Variants in SLC35G2 observed in about 807,000 individuals in gnomAD.
SLC35G2 encodes transmembrane protein 22.
A neutral mutation model predicts 27.2 loss-of-function variants in SLC35G2; 20 were observed. The ratio of observed to expected loss-of-function variants is 0.74; its 90% CI spans 0.52 to 1.07. The LOEUF (loss-of-function observed/expected upper bound fraction) is 1.07, where lower values mean the gene tolerates loss of function less well. Among genes scored for constraint, SLC35G2 ranks in the 50% least tolerant of loss-of-function variants. SLC35G2 has a pLI of 0.00. For missense variants in SLC35G2, 416 were observed against 493.3 expected, an observed-to-expected ratio of 0.84 and a Z score of 1.48; for synonymous variants, 148 against 165.3, an observed-to-expected ratio of 0.90 and a Z score of 0.80.
At position 136,819,237 on chromosome 3, in the gene SLC35G2, T is replaced by C. The variant is rs755803956; in HGVS notation, c.-410T>C. On this transcript the variant is annotated 5_prime_UTR_variant, in exon 1 of 2. Transcript: ENST00000446465. Reference sequence around the variant, plus strand: ...CAGGTAACCGGGCCCCGGGAGCCGGTCGGCGGCGGCGGACTGGGACCTTGA... The same window carrying C: ...CAGGTAACCGGGCCCCGGGAGCCGGCCGGCGGCGGCGGACTGGGACCTTGA... The C allele has an allele frequency of 6.6e-6, 1 of 152,172 alleles. No homozygotes were observed. The highest frequency in any genetic ancestry group is 1.5e-5 in the Non-Finnish European group (1 of 68,036). The allele number at this position is 152,172 out of a possible 1,614,324, so 9.4% of individuals were successfully genotyped here.
Position 136,854,819 on chromosome 3 carries a change from T to C in SLC35G2, c.359T>C (p.Leu120Pro), listed in dbSNP as rs1472421528. 1 of 1,614,218 alleles carries C rather than the reference T, an allele frequency of 6.2e-7. No individual in the cohort carries two copies. Among genetic ancestry groups the C allele is most frequent in the Non-Finnish European group, 8.5e-7 (1 of 1,180,034 alleles). Residue 120 changes from leucine (L) to proline (P), a missense_variant, in exon 2 of 2, where the codon CTT (leucine) becomes CCT (proline). Physicochemically the swap from Leu to Pro is moderately conservative, Grantham distance 98. Coordinates refer to ENST00000446465, the MANE Select transcript of SLC35G2 (RefSeq NM_025246.3). ...GSALAHGCVALITRLVSDRSK... is the reference protein window; with the variant it reads ...GSALAHGCVAPITRLVSDRSK... ...GCTTTGGCTCATGGATGTGTAGCTCTTATCACTAGGCTTGTTTCTGATCGG... is the reference window on the plus strand; with the variant it reads ...GCTTTGGCTCATGGATGTGTAGCTCCTATCACTAGGCTTGTTTCTGATCGG...
At chr3:136,832,170 G>T (rs12497379) in intron 1 of SLC35G2, among the ~76,000 whole-genome samples, 3 of 151,858 alleles carry the variant, frequency 2.0e-5, no homozygotes, top group Non-Finnish European at 2.9e-5. Flanking sequence ...CCCGCCACCA[G>T]GCCTGGCTAA....
At chr3:136,824,312 A>T (rs1386148531) in intron 1 of SLC35G2, among the ~76,000 whole-genome samples, 1 of 152,170 alleles carries the variant, frequency 6.6e-6, no homozygotes, top group Non-Finnish European at 1.5e-5. Flanking sequence ...TGCTTTGGGT[A>T]GTATAGACAG....
In SLC35G2 at chr3:136,855,780, T is replaced by C. The variant is rs931447585; in HGVS notation, c.*81T>C. 4.2e-5 allele frequency: 48 copies of C among 1,140,128 alleles called. No individual in the cohort carries two copies. The highest frequency in any genetic ancestry group is 6.1e-5 in the Non-Finnish European group (47 of 766,634). The allele number at this position is 1,140,128 out of a possible 1,614,324, so 70.6% of individuals were successfully genotyped here. ...AATGTTTACCTATGAATGTCTTTTGTGTTATATAACTGACAGAGTGCTATA... is the reference window on the plus strand; with the variant it reads ...AATGTTTACCTATGAATGTCTTTTGCGTTATATAACTGACAGAGTGCTATA... On this transcript the variant is annotated 3_prime_UTR_variant, in exon 2 of 2. Coordinates refer to ENST00000446465, the MANE Select transcript of SLC35G2 (RefSeq NM_025246.3).
chr3:136,830,899 T>C (rs1936714760), intron 1 of SLC35G2, among the ~76,000 whole-genome samples: 1 of 152,238 alleles, frequency 6.6e-6, no homozygotes, highest in South Asian at 2.1e-4. Flanking sequence ...GTTATAATTA[T>C]ATGTGAACTC....
intron 1 of SLC35G2, among the ~76,000 whole-genome samples, chr3:136,830,403 C>G (rs978312714): frequency 6.6e-6 from 1 of 152,174 alleles, no homozygotes; most frequent in African/African-American, 2.4e-5. Context: ...CTGCCTCAGC[C>G]TCCCGAATAG....
At chr3:136,824,355 A>G (rs1936534736) in intron 1 of SLC35G2, among the ~76,000 whole-genome samples, 1 of 152,226 alleles carries the variant, frequency 6.6e-6, no homozygotes, top group South Asian at 2.1e-4. Flanking sequence ...ATCCATGAAC[A>G]TGAAATATTT....
At chr3:136,824,613 G>A (rs1335306049) in intron 1 of SLC35G2, among the ~76,000 whole-genome samples, 2 of 152,148 alleles carry the variant, frequency 1.3e-5, no homozygotes, top group Non-Finnish European at 2.9e-5. Flanking sequence ...GTAAACAGTA[G>A]TTTACTAATG....
intron 1 of SLC35G2, among the ~76,000 whole-genome samples, chr3:136,844,919 T>C (rs1426489545): frequency 1.3e-5 from 2 of 152,182 alleles, no homozygotes; most frequent in Admixed American, 1.3e-4. Flanking sequence ...CCTGTGATTG[T>C]TATGAACCTA....
At position 136,855,595 on chromosome 3, in the gene SLC35G2, G is replaced by A. The variant is rs771035790; in HGVS notation, c.1135G>A (p.Val379Ile). ...FPSIYDVFGGVIIMISVFVLA... is the reference protein window; with the variant it reads ...FPSIYDVFGGIIIMISVFVLA... The stretch of plus-strand genomic sequence containing the variant: ...TAGCATCTATGATGTTTTTGGAGGG[G>A]TAATCATTATGATTAGTGTTTTTGT... The change falls in exon 2 of 2, where the codon GTA becomes ATA. Residue 379 changes from valine to isoleucine, a missense_variant. By Grantham distance (29) the Val-to-Ile change is conservative. Transcript: ENST00000446465. 24 of 1,613,950 alleles carry A rather than the reference G, an allele frequency of 1.5e-5. No homozygotes were observed. In the South Asian group the frequency reaches 2.5e-4, roughly 17 times the overall value.
chr3:136,823,184 T>C (rs1024983361), intron 1 of SLC35G2, among the ~76,000 whole-genome samples: 3 of 152,252 alleles, frequency 2.0e-5, no homozygotes, highest in African/African-American at 7.2e-5. Flanking sequence ...GCTTTTCATA[T>C]ACCTGTTTGC....
At chr3:136,851,820 GA>G (rs1246007387) in intron 1 of SLC35G2, among the ~76,000 whole-genome samples, 1 of 152,162 alleles carries the variant, frequency 6.6e-6, no homozygotes, top group African/African-American at 2.4e-5. Context: ...GTGACAGTGG[GA>G]TAATATAAAT....
chr3:136,823,306 A>G (rs1450398280), intron 1 of SLC35G2, among the ~76,000 whole-genome samples: 5 of 152,180 alleles, frequency 3.3e-5, no homozygotes, highest in African/African-American at 1.2e-4. Flanking sequence ...TATTCTGATT[A>G]TTAATCCCTT....
chr3:136,853,975 A>G (rs574508028), intron 1 of SLC35G2, among the ~76,000 whole-genome samples: 1 of 152,368 alleles, frequency 6.6e-6, no homozygotes, highest in Non-Finnish European at 1.5e-5. Context: ...AAAAATCACT[A>G]TAATTTATAA....
At chr3:136,828,555 T>C (rs1189400041) in intron 1 of SLC35G2, among the ~76,000 whole-genome samples, 2 of 152,236 alleles carry the variant, frequency 1.3e-5, no homozygotes, top group African/African-American at 2.4e-5. Flanking sequence ...ATAACTACTT[T>C]TGTCCTTGTT....
In SLC35G2 at chr3:136,854,986, G is replaced by T. The variant is rs1280582303; in HGVS notation, c.526G>T (p.Val176Phe). ...LRLFFYGVCN[V>F]ISITCAYTSF... ...ACTCTTCTTTTATGGTGTATGCAATGTCATTTCTATCACTTGTGCTTATAC... is the reference window on the plus strand; with the variant it reads ...ACTCTTCTTTTATGGTGTATGCAATTTCATTTCTATCACTTGTGCTTATAC... The change falls in exon 2 of 2, where the codon GTC (valine) becomes TTC (phenylalanine). Residue 176 changes from valine to phenylalanine, a missense_variant. Coordinates refer to ENST00000446465, the MANE Select transcript of SLC35G2 (RefSeq NM_025246.3). 3 of 1,614,184 alleles carry T rather than the reference G, an allele frequency of 1.9e-6. No individual in the cohort carries two copies. In the Admixed American group the frequency reaches 5.0e-5, roughly 27 times the overall value.
chr3:136,826,461 T>C (rs1019837298), intron 1 of SLC35G2, among the ~76,000 whole-genome samples: 1 of 152,188 alleles, frequency 6.6e-6, no homozygotes, highest in Admixed American at 6.5e-5. Context: ...TATTGGTCTG[T>C]CTAGGTTTCA....
intron 1 of SLC35G2, chr3:136,820,321 T>G (rs1936423440): frequency 6.6e-6 from 1 of 152,228 alleles, no homozygotes; most frequent in African/African-American, 2.4e-5. Flanking sequence ...CTGAAGTGCC[T>G]CGCGCGCCCT....
At chr3:136,837,240 C>G (rs921676600) in intron 1 of SLC35G2, 3 of 152,112 alleles carry the variant, frequency 2.0e-5, no homozygotes, top group Admixed American at 6.6e-5. Context: ...GGTTTAGGCA[C>G]CAGACACCAT....
Sources: gnomAD v4.1 joint callset for allele counts (sites outside exome capture counted in the v4.1 genomes callset) on GRCh38, gnomAD v4.1.1 for gene constraint, MANE v1.5 for transcripts, NCBI Gene and HGNC (gene_info 2026-07-23, HGNC 2026-07-21) for gene names.